Variants in THAP6 observed in about 807,000 individuals in gnomAD.
THAP6 encodes the protein THAP domain-containing protein 6.
A neutral mutation model predicts 20.0 loss-of-function variants in THAP6; 13 were observed. The ratio of observed to expected loss-of-function variants is 0.65; its 90% CI spans 0.42 to 1.03. The LOEUF is 1.03. Among genes scored for constraint, THAP6 ranks in the 50% least tolerant of loss-of-function variants. The pLI, the probability that THAP6 is intolerant of heterozygous loss-of-function variation, is 0.00. For missense variants in THAP6, 262 were observed against 261.6 expected, an observed-to-expected ratio of 1.00 and a Z score of -0.01; for synonymous variants, 93 against 92.2, an observed-to-expected ratio of 1.01 and a Z score of -0.05.
Position 75,516,821 on chromosome 4 carries a change from A to G in THAP6, c.130A>G (p.Arg44Gly). The change falls in exon 3 of 5, where the codon AGA (arginine) becomes GGA (glycine). Residue 44 changes from arginine (R) to glycine (G), a missense_variant. Physicochemically the swap from Arg to Gly is moderately radical, Grantham distance 125 (BLOSUM62 -2). Coordinates refer to ENST00000311638, the MANE Select transcript of THAP6 (RefSeq NM_144721.6). Reference protein sequence around the residue: ...IKRKWVLAMKRLDVNAAGIWE... With the variant: ...IKRKWVLAMKGLDVNAAGIWE... ...AAGGAAATGGGTATTAGCAATGAAA[A>G]GACTTGATGTGAATGCAGCCGGCAT... The G allele has an allele frequency of 6.2e-7, 1 of 1,614,124 alleles. No homozygotes were observed. The highest frequency in any genetic ancestry group is 8.5e-7 in the Non-Finnish European group (1 of 1,180,018).
At chr4:75,516,607 C>T (rs560437026) in intron 2 of THAP6, among the ~76,000 whole-genome samples, 165 bp from the exon 3 acceptor site, 4 of 152,172 alleles carry the variant, frequency 2.6e-5, no homozygotes, top group South Asian at 4.2e-4. Flanking sequence ...AATATTAAAA[C>T]GGAAAGTAAC....
Position 75,528,077 on chromosome 4 carries a change from A to G in THAP6, c.*863A>G, listed in dbSNP as rs1303154292. The stretch of plus-strand genomic sequence containing the variant: ...AAAGTAGTATTGCTGACATTTTAAA[A>G]AAATACAAAATACAAAAGAAACCAT... On this transcript the variant is annotated 3_prime_UTR_variant, in exon 5 of 5. Coordinates refer to ENST00000311638, the MANE Select transcript of THAP6 (RefSeq NM_144721.6). The G allele has an allele frequency of 1.0e-6, 1 of 984,418 alleles. No homozygotes were observed. Among genetic ancestry groups the G allele is most frequent in the Non-Finnish European group, 1.2e-6 (1 of 829,014 alleles). The allele number at this position is 984,418 out of a possible 1,614,324, so 61.0% of individuals were successfully genotyped here.
rs185982918 is a variant in THAP6 at position 75,527,348 on chromosome 4, T to A, written c.*134T>A. The A allele has an allele frequency of 1.2e-5, 18 of 1,467,148 alleles. No individual in the cohort carries two copies. The East Asian group carries it at 4.3e-4, about 35-fold the overall frequency. 90.9% of individuals were successfully genotyped at this position (1,467,148 alleles called of 1,614,324 possible). On this transcript the variant is annotated 3_prime_UTR_variant, in exon 5 of 5. Transcript: ENST00000311638. ...TCTCTGGAGCATTATGCATTATAGT[T>A]GTTATCCAAAGACTTTTTTGAAAAT...
downstream of THAP6, among the ~76,000 whole-genome samples, chr4:75,532,526 C>T (rs1726712844): frequency 6.6e-6 from 1 of 152,216 alleles, no homozygotes; most frequent in Non-Finnish European, 1.5e-5. Context: ...TCTCACAGCT[C>T]CACTAGGCAG....
At chr4:75,544,848 C>A (rs1727090111) in intron 3 of THAP6, among the ~76,000 whole-genome samples, 1 of 152,092 alleles carries the variant, frequency 6.6e-6, no homozygotes, top group Non-Finnish European at 1.5e-5. Flanking sequence ...TTTTGCCCTA[C>A]AGAACCTGGG....
Position 75,528,182 on chromosome 4 carries a change from GATT to G in THAP6, c.*972_*974del, listed in dbSNP as rs1726497825. 2 of 985,100 alleles carry G rather than the reference GATT, an allele frequency of 2.0e-6. No individual in the cohort carries two copies. 61.0% of individuals were successfully genotyped at this position (985,100 alleles called of 1,614,324 possible). On this transcript the variant is annotated 3_prime_UTR_variant, in exon 5 of 5. Transcript: ENST00000311638. ...TTAGAATATTTTAATTAGGGGAGTA[GATT>G]ATTGTCCAAAGGCTTTTATTTAGAG...
chr4:75,520,036 T>G (rs2148810584), intron 3 of THAP6, among the ~76,000 whole-genome samples: 1 of 152,058 alleles, frequency 6.6e-6, no homozygotes, highest in East Asian at 1.9e-4. Flanking sequence ...TGGTGTGAGA[T>G]GGTATCTCAT....
At chr4:75,525,400 C>CAA (rs1726301892) in intron 4 of THAP6, among the ~76,000 whole-genome samples, 2 of 152,110 alleles carry the variant, frequency 1.3e-5, no homozygotes, top group African/African-American at 4.8e-5. Flanking sequence ...TTTTCTTCTT[C>CAA]AAAAAATACA....
At chr4:75,521,030 G>A (rs1725992061) in intron 3 of THAP6, among the ~76,000 whole-genome samples, 1 of 151,966 alleles carries the variant, frequency 6.6e-6, no homozygotes, top group Non-Finnish European at 1.5e-5. Flanking sequence ...TCATTTAACT[G>A]CCATCTACAT....
chr4:75,514,215 G>A (rs1251635227), upstream of THAP6: 3 of 1,612,804 alleles, frequency 1.9e-6, no homozygotes, highest in Non-Finnish European at 1.7e-6. Context: ...GACATCCTCT[G>A]TCATAGTGCT....
At chr4:75,517,521 T>G (rs1160853225) in intron 3 of THAP6, 2 of 152,352 alleles carry the variant, frequency 1.3e-5, no homozygotes, top group African/African-American at 2.4e-5. Context: ...GTGGGCTGAC[T>G]TTAGGAATTA....
intron 3 of THAP6, 181 bp downstream of exon 3, chr4:75,517,160 G>A (rs2148804371): frequency 3.9e-6 from 2 of 518,518 alleles, no homozygotes; most frequent in East Asian, 6.2e-5. Flanking sequence ...TGGGATTACA[G>A]GCACCTGCCA....
At chr4:75,524,650 C>T (rs1322930006) in intron 4 of THAP6, among the ~76,000 whole-genome samples, 1 of 152,164 alleles carries the variant, frequency 6.6e-6, no homozygotes, top group African/African-American at 2.4e-5. Context: ...TTCTTACATG[C>T]ACCATTTCTA....
downstream of THAP6, among the ~76,000 whole-genome samples, chr4:75,533,557 A>G (rs573999234): frequency 5.9e-5 from 9 of 152,160 alleles, no homozygotes; most frequent in South Asian, 4.2e-4. Context: ...GTATTAGTCC[A>G]TTTTCACAAT....
chr4:75,524,680 T>G (rs1207043172), intron 4 of THAP6, among the ~76,000 whole-genome samples: 1 of 152,192 alleles, frequency 6.6e-6, no homozygotes, highest in African/African-American at 2.4e-5. Context: ...TTAATTAATG[T>G]CATACTCACC....
intron 3 of THAP6, among the ~76,000 whole-genome samples, chr4:75,543,549 T>C (rs991980431): frequency 2.6e-5 from 4 of 152,226 alleles, no homozygotes; most frequent in Non-Finnish European, 4.4e-5. Context: ...CTGAGTCTGA[T>C]TGAAATGGCT....
At chr4:75,535,997 C>T (rs1726841816) in intron 2 of THAP6, among the ~76,000 whole-genome samples, 1 of 152,206 alleles carries the variant, frequency 6.6e-6, no homozygotes, top group South Asian at 2.1e-4. Context: ...AGGACCATTT[C>T]CTTGGTTTAA....
intron 3 of THAP6, chr4:75,542,675 C>T (rs1040288466): frequency 2.3e-5 from 11 of 485,344 alleles, no homozygotes; most frequent in Non-Finnish European, 3.3e-5. Context: ...TATGAAGTCA[C>T]GTTGTTGTTT....
chr4:75,533,207 C>G (rs908007378), downstream of THAP6, among the ~76,000 whole-genome samples: 2 of 152,198 alleles, frequency 1.3e-5, no homozygotes, highest in Non-Finnish European at 2.9e-5. Context: ...TAAATCATCT[C>G]TCTCAAGTAC....
Sources: gnomAD v4.1 joint callset for allele counts (sites outside exome capture counted in the v4.1 genomes callset) on GRCh38, gnomAD v4.1.1 for gene constraint, MANE v1.5 for transcripts, NCBI Gene and HGNC (gene_info 2026-07-23, HGNC 2026-07-21) for gene names.